The following MVP variants were observed in gnomAD, a reference collection of about 807,000 sequenced individuals.
MVP encodes the protein major vault protein.
A neutral mutation model predicts 83.5 loss-of-function variants in MVP; 62 were observed. The observed-to-expected ratio is 0.74, with a 90% CI of 0.61 to 0.92. The LOEUF is 0.92. Ranked by LOEUF, MVP falls within the 40% of genes least tolerant of loss-of-function variation. The pLI is 0.00. For missense variants in MVP, 1,000 were observed against 1,203.4 expected (o/e 0.83, Z 2.50); for synonymous variants, 505 against 504.1 (o/e 1.00, Z -0.02).
At chr16:29,844,448 C>T (rs765351779) in intron 10 of MVP, 45 bp from the exon 11 acceptor site, 1 of 1,515,648 alleles carries the variant, frequency 6.6e-7, no homozygotes, top group Non-Finnish European at 8.8e-7. Context: ...AAGAGAGATT[C>T]CTGGGTGAAA....
Position 29,844,603 on chromosome 16 carries a change from C to T in MVP, c.1745C>T (p.Ala582Val). ...GCCATCGCATCCCGGGTGCGGGGGG[C>T]CGTGGCCTCTGTCACTTTCGATGAC... ...CKAIASRVRGAVASVTFDDFH... is the reference protein window; with the variant it reads ...CKAIASRVRGVVASVTFDDFH... Residue 582 changes from alanine to valine, a missense_variant, in exon 11 of 15, where the codon GCC (alanine) becomes GTC (valine). Ala to Val is a moderately conservative substitution (Grantham distance 64). Transcript: ENST00000357402. 6.2e-7 allele frequency: 1 copy of T among 1,613,678 alleles called. No homozygotes were observed. Among genetic ancestry groups the T allele is most frequent in the South Asian group, 1.1e-5 (1 of 90,966 alleles).
rs1184261573 is a variant in MVP at position 29,846,104 on chromosome 16, C to CG, written c.2139-53dup. 2.5e-6 allele frequency: 4 copies of CG among 1,600,114 alleles called. No individual in the cohort carries two copies. In the African/African-American group the frequency reaches 5.4e-5, roughly 21 times the overall value. On this transcript the variant is annotated intron_variant, in intron 12 of 14. Coordinates refer to ENST00000357402, the MANE Select transcript of MVP (RefSeq NM_005115.5). ...GCACGGCTACAGCATAAGCCAAGGC[C>CG]GTGGGGGGACTGGGCTGTCTCCCGG...
intron 1 of MVP, among the ~76,000 whole-genome samples, chr16:29,827,474 C>T (rs1230491021): frequency 6.6e-6 from 1 of 152,162 alleles, no homozygotes; most frequent in Non-Finnish European, 1.5e-5. Flanking sequence ...TCTAGAAAGA[C>T]AGGACCAGGC....
At chr16:29,844,353 C>A in intron 10 of MVP, 140 bp from the exon 11 acceptor site, 1 of 1,131,388 alleles carries the variant, frequency 8.8e-7, no homozygotes, top group Non-Finnish European at 1.2e-6. Flanking sequence ...AGTCCCAGCA[C>A]TTTGGGAGGC....
At position 29,847,806 on chromosome 16, in the gene MVP, C is replaced by A; in HGVS notation, c.2499C>A (p.Thr833=). 1 of 1,614,220 alleles carries A rather than the reference C, an allele frequency of 6.2e-7. No homozygotes were observed. The highest frequency in any genetic ancestry group is 8.5e-7 in the Non-Finnish European group (1 of 1,180,038). The change falls in exon 15 of 15, where the codon ACC becomes ACA. Residue 833 remains threonine, a synonymous_variant. Transcript: ENST00000357402. ...TGGGCCTGAAATCAACCCTCATCAC[C>A]GATGGCTCCACTCCCATCAACCTCT... ...QSLGLKSTLI[T]DGSTPINLFN...
At chr16:29,829,780 T>G (rs913828038) in intron 1 of MVP, 4 of 151,714 alleles carry the variant, frequency 2.6e-5, no homozygotes, top group Non-Finnish European at 5.9e-5. Flanking sequence ...GGGGCCAGAG[T>G]GATTTGCAGT....
chr16:29,835,537 C>T (rs918907215), intron 5 of MVP, 167 bp from the exon 6 acceptor site: 7 of 402,876 alleles, frequency 1.7e-5, no homozygotes, highest in Non-Finnish European at 3.1e-5. Context: ...GGGGGTTTGG[C>T]CTCAAAAGAA....
In MVP at chr16:29,845,940, A is replaced by G; in HGVS notation, c.2099A>G (p.Glu700Gly). 3 of 1,614,228 alleles carry G rather than the reference A, an allele frequency of 1.9e-6. No homozygotes were observed. The highest frequency in any genetic ancestry group is 2.5e-6 in the Non-Finnish European group (3 of 1,180,042). The change falls in exon 12 of 15, where the codon GAG becomes GGG. Residue 700 changes from glutamate to glycine, a missense_variant. Coordinates refer to ENST00000357402, the MANE Select transcript of MVP (RefSeq NM_005115.5). ...RQKILDQSEA[E>G]KARKELLELE... The stretch of plus-strand genomic sequence containing the variant: ...AAGATCCTGGACCAGTCAGAAGCCG[A>G]GAAAGCTCGCAAGGAACTTTTGGAG...
At chr16:29,842,574 G>A (rs1254870750) in intron 10 of MVP, among the ~76,000 whole-genome samples, 1 of 152,106 alleles carries the variant, frequency 6.6e-6, no homozygotes, top group African/African-American at 2.4e-5. Flanking sequence ...CAAAGTGCTG[G>A]GATTACAGGC....
Position 29,841,499 on chromosome 16 carries a change from C to G in MVP, c.1192-97C>G. Reference sequence around the variant, plus strand: ...GTAGAGAAGGTGTTTAACCTCGTGGCGCGCCTTCCCTGGATGGGCTCTGCT... The same window carrying G: ...GTAGAGAAGGTGTTTAACCTCGTGGGGCGCCTTCCCTGGATGGGCTCTGCT... On this transcript the variant is annotated intron_variant, in intron 8 of 14. Transcript: ENST00000357402. This position sits in a 1 kb window ranked among gnomAD's most constrained non-coding sequence, Gnocchi z 4.7. 6.9e-7 allele frequency: 1 copy of G among 1,446,588 alleles called. No homozygotes were observed. Among genetic ancestry groups the G allele is most frequent in the Non-Finnish European group, 9.2e-7 (1 of 1,086,844 alleles). 89.6% of individuals were successfully genotyped at this position (1,446,588 alleles called of 1,614,324 possible). A position where few individuals can be genotyped will look rare whatever the true frequency, so the allele number is the denominator to read the frequency against.
rs781580496 is a variant in MVP, at chr16:29,834,682, C to CT, written c.577+631dup. 1,071 of 141,224 alleles carry CT rather than the reference C, an allele frequency of 7.6e-3. 7 individuals are homozygous for CT. The highest frequency in any genetic ancestry group is 0.011 in the East Asian group (52 of 4,888). 8.7% of individuals were successfully genotyped at this position (141,224 alleles called of 1,614,324 possible). A position where few individuals can be genotyped will look rare whatever the true frequency, so the allele number is the denominator to read the frequency against. On this transcript the variant is annotated intron_variant, in intron 5 of 14. Coordinates refer to ENST00000357402, the MANE Select transcript of MVP (RefSeq NM_005115.5). ...CTACCCCGAGGTGCTACCATTCCCA[C>CT]TTTTTTTTTTTTTTTGAGACGGAGT...
In MVP at chr16:29,840,583, G is replaced by C. The variant is rs1188244749; in HGVS notation, c.1191+124G>C. On this transcript the variant is annotated intron_variant, in intron 8 of 14. Transcript: ENST00000357402. ...CATGGAGAGCCATATCAGGTGGGCT[G>C]TCTGGTTGGGGGAGGGCACTACGTG... The C allele has an allele frequency of 1.6e-5, 19 of 1,167,518 alleles. No individual in the cohort carries two copies. The South Asian group carries it at 2.7e-4, about 17-fold the overall frequency. The allele number at this position is 1,167,518 out of a possible 1,614,324, so 72.3% of individuals were successfully genotyped here.
intron 11 of MVP, among the ~76,000 whole-genome samples, 177 bp from the exon 12 acceptor site, chr16:29,845,686 C>T (rs1289043773): frequency 6.6e-6 from 1 of 152,222 alleles, no homozygotes; most frequent in African/African-American, 2.4e-5. Context: ...TTTGTCCGGC[C>T]TAGAATGACA....
rs1324119704 is a variant in MVP at position 29,841,105 on chromosome 16, T to A, written c.1192-491T>A. Among the ~76,000 whole-genome samples the A allele has an allele frequency of 6.6e-6, 1 of 152,026 alleles. No homozygotes were observed. The highest frequency in any genetic ancestry group is 1.5e-5 in the Non-Finnish European group (1 of 68,002). On this transcript the variant is annotated intron_variant, in intron 8 of 14. Transcript: ENST00000357402. The surrounding 1 kb of genome is among the most constrained non-coding windows in gnomAD (Gnocchi z 4.7). Reference sequence around the variant, plus strand: ...CCCGGTGGAATCTTTCATTTTTTTCTGCTTCACCTAAAACCTTGACCTTGA... The same window carrying A: ...CCCGGTGGAATCTTTCATTTTTTTCAGCTTCACCTAAAACCTTGACCTTGA...
chr16:29,825,081 T>TG (rs1446931695), intron 1 of MVP, among the ~76,000 whole-genome samples: 1 of 152,164 alleles, frequency 6.6e-6, no homozygotes, highest in African/African-American at 2.4e-5. Flanking sequence ...ACCTGGTTTC[T>TG]GCTTTGGACA....
intron 1 of MVP, among the ~76,000 whole-genome samples, chr16:29,826,512 A>G (rs1437184645): frequency 6.6e-6 from 1 of 151,766 alleles, no homozygotes; most frequent in Non-Finnish European, 1.5e-5. Flanking sequence ...CTACAGTCCC[A>G]GCTACTCGGG....
rs1472714376 is a variant in MVP at position 29,844,780 on chromosome 16, A to C, written c.1922A>C (p.Gln641Pro). 1.2e-6 allele frequency: 2 copies of C among 1,610,900 alleles called. No homozygotes were observed. Among genetic ancestry groups the C allele is most frequent in the Non-Finnish European group, 1.7e-6 (2 of 1,180,000 alleles). The change falls in exon 11 of 15, where the codon CAG becomes CCG. Residue 641 changes from glutamine (Q) to proline (P), a missense_variant. Physicochemically the swap from Gln to Pro is moderately conservative, Grantham distance 76. Coordinates refer to ENST00000357402, the MANE Select transcript of MVP (RefSeq NM_005115.5). ...NGLVVSSVDV[Q>P]SVEPVDQRTR... ...CTGGTGGTCAGCAGTGTGGACGTGC[A>C]GTCAGTGGAGCCTGTGGATCAGAGG... is the stretch of plus-strand genomic sequence containing the variant.
At chr16:29,824,211 CAAA>C (rs61338952) in intron 1 of MVP, among the ~76,000 whole-genome samples, 508 of 39,470 alleles carry the variant, frequency 0.013, 2 homozygotes, top group African/African-American at 0.028. Context: ...AACTCCATCT[CAAA>C]AAAAAAAAAA....
intron 1 of MVP, among the ~76,000 whole-genome samples, chr16:29,823,716 G>C (rs945072750): frequency 1.3e-5 from 2 of 151,938 alleles, no homozygotes; most frequent in African/African-American, 4.8e-5. Flanking sequence ...TTAGCTAGGC[G>C]TGGTGGTGGG....
Sources: gnomAD v4.1 joint callset for allele counts (sites outside exome capture counted in the v4.1 genomes callset) on GRCh38, gnomAD v4.1.1 for gene constraint, Gnocchi (gnomAD v3.1) non-coding constraint, MANE v1.5 for transcripts, NCBI Gene and HGNC (gene_info 2026-07-23, HGNC 2026-07-21) for gene names.